Variants in GREB1 observed in about 807,000 individuals in gnomAD.
GREB1 encodes protein GREB1.
A neutral mutation model predicts 200.7 loss-of-function variants in GREB1; 106 were observed. That is an observed-to-expected ratio of 0.53 (90% CI 0.45 to 0.62). GREB1 has a LOEUF of 0.62. Among genes scored for constraint, GREB1 ranks in the 20% least tolerant of loss-of-function variants. The pLI, the probability that GREB1 is intolerant of heterozygous loss-of-function variation, is 0.00. For synonymous variants in GREB1, 1,132 were observed against 1,092.4 expected (o/e 1.04, Z -0.72); for missense variants, 2,243 against 2,556.8 (o/e 0.88, Z 2.65).
At chr2:11,533,432 G>A (rs1674148814), upstream of GREB1, among the ~76,000 whole-genome samples, 1 of 152,222 alleles carries the variant, frequency 6.6e-6, no homozygotes, top group South Asian at 2.1e-4. Context: ...GGAAACTGGA[G>A]CTCAGGGAGT....
chr2:11,628,511 A>G (rs955311417), intron 25 of GREB1, among the ~76,000 whole-genome samples: 16 of 152,188 alleles, frequency 1.1e-4, no homozygotes, highest in African/African-American at 3.4e-4. Flanking sequence ...TGAGTGTGCA[A>G]TTGTACTGTA....
intron 1 of GREB1, among the ~76,000 whole-genome samples, chr2:11,552,685 CTGTT>C (rs988308915): frequency 3.9e-5 from 6 of 152,158 alleles, no homozygotes; most frequent in Admixed American, 2.6e-4. Flanking sequence ...AGTCCCCACA[CTGTT>C]TGGTTGTGGC....
chr2:11,488,873 T>TAA lies in GREB1; in HGVS notation c.-159+6508_-159+6509dup, dbSNP rs148433563. Among the ~76,000 whole-genome samples the TAA allele has an allele frequency of 8.4e-3, 885 of 105,760 alleles. 8 individuals are homozygous for TAA. Among genetic ancestry groups the TAA allele is most frequent in the African/African-American group, 0.015 (488 of 31,894 alleles). 69.4% of individuals were successfully genotyped at this position (105,760 alleles called of 152,430 possible). ...TGGGGCATATGTAGGCAGTTTTCAT[T>TAA]AAAAAAAAAAAAAAAAAGATTGAGA... On this transcript the variant is annotated intron_variant, in intron 1 of 2. Coordinates refer to the GREB1 transcript ENST00000628795.
At chr2:11,490,013 T>A (rs1389188044) in intron 1 of GREB1, among the ~76,000 whole-genome samples, 1 of 149,686 alleles carries the variant, frequency 6.7e-6, no homozygotes, top group East Asian at 1.9e-4. Flanking sequence ...TATACTCTAT[T>A]ATATTACAAT....
At chr2:11,570,516 T>C (rs1469724042) in intron 4 of GREB1, among the ~76,000 whole-genome samples, 1 of 151,910 alleles carries the variant, frequency 6.6e-6, no homozygotes, top group Non-Finnish European at 1.5e-5. Context: ...CGAATTGTTA[T>C]CTTATACTTT....
At chr2:11,543,546 A>G (rs975931399) in intron 1 of GREB1, among the ~76,000 whole-genome samples, 1 of 152,228 alleles carries the variant, frequency 6.6e-6, no homozygotes, top group Non-Finnish European at 1.5e-5. Flanking sequence ...TGAAAGCAGC[A>G]TAACCATGAA....
intron 11 of GREB1, among the ~76,000 whole-genome samples, chr2:11,594,863 T>G (rs2148198006): frequency 6.6e-6 from 1 of 152,174 alleles, no homozygotes; most frequent in Admixed American, 6.5e-5. Flanking sequence ...CCGGCTAATT[T>G]TTTTGTATTT....
chr2:11,503,688 A>G (rs1673106827), intron 1 of GREB1, among the ~76,000 whole-genome samples: 1 of 152,146 alleles, frequency 6.6e-6, no homozygotes, highest in Middle Eastern at 3.2e-3. Flanking sequence ...GGGCTTCTTA[A>G]TTTTGGCCAC....
intron 1 of GREB1, among the ~76,000 whole-genome samples, chr2:11,510,603 A>G (rs1673321753): frequency 6.6e-6 from 1 of 152,142 alleles, no homozygotes; most frequent in Non-Finnish European, 1.5e-5. Context: ...ACCAGTTTTC[A>G]GGATAATGAG....
In GREB1 at chr2:11,603,968, T is replaced by A. The variant is rs114083731; in HGVS notation, c.2666+1426T>A. On this transcript the variant is annotated intron_variant, in intron 17 of 32. Transcript: ENST00000381486. ...ACTTGTCCAGAGTCACATGGGGGGT[T>A]TATAGTGAAACTGGACCCCAACCCT... 5.7e-3 allele frequency among the ~76,000 whole-genome samples: 862 copies of A among 152,280 alleles called. 5 individuals carry two copies. The highest frequency in any genetic ancestry group is 0.019 in the African/African-American group (809 of 41,560).
At chr2:11,539,494 T>C (rs534748352) in intron 1 of GREB1, among the ~76,000 whole-genome samples, 1 of 152,334 alleles carries the variant, frequency 6.6e-6, no homozygotes, top group South Asian at 2.1e-4. Context: ...CCTGTAGTCC[T>C]TCGGAGGCAA....
chr2:11,638,879 G>C, intron 32 of GREB1, 70 bp downstream of exon 32: 1 of 1,510,114 alleles, frequency 6.6e-7, no homozygotes, highest in Non-Finnish European at 9.1e-7. Context: ...CTGAGGAGGG[G>C]ACCTTTGGTC....
intron 30 of GREB1, among the ~76,000 whole-genome samples, chr2:11,635,855 G>A (rs1190385370): frequency 1.3e-5 from 2 of 152,218 alleles, no homozygotes; most frequent in Admixed American, 1.3e-4. Context: ...AGCAGGCCTG[G>A]GGAATTAAGA....
chr2:11,562,765 C>A, intron 3 of GREB1, 183 bp downstream of exon 3: 1 of 545,822 alleles, frequency 1.8e-6, no homozygotes. Context: ...GCCTGCCCTC[C>A]TGAAACAGGA....
At chr2:11,514,006 T>G (rs1260241230) in intron 1 of GREB1, among the ~76,000 whole-genome samples, 1 of 152,174 alleles carries the variant, frequency 6.6e-6, no homozygotes, top group African/African-American at 2.4e-5. Flanking sequence ...AAGATTAATC[T>G]CCTACTCACT....
intron 1 of GREB1, chr2:11,540,734 T>G (rs925645987): frequency 2.6e-5 from 4 of 153,358 alleles, no homozygotes; most frequent in Non-Finnish European, 4.4e-5. Context: ...GAAATCTACA[T>G]GAGAATGATG....
intron 9 of GREB1, chr2:11,588,490 A>G: frequency 1.9e-6 from 1 of 516,646 alleles, no homozygotes; most frequent in Non-Finnish European, 3.5e-6. Flanking sequence ...TCACTTGTAA[A>G]AAATAAGAGG....
In GREB1 at chr2:11,635,312, C is replaced by T. The variant is rs375514405; in HGVS notation, c.5253C>T (p.Ser1751=). ...DDVDFNLRVH[S]AGLLLCRFNR... ...TAGACTTCAACCTGCGGGTGCACAG[C>T]GCCGGCCTCCTGCTCTGCCGGTTCA... Residue 1751 remains serine (S), a synonymous_variant, in exon 30 of 33, where the codon AGC becomes AGT. Transcript: ENST00000381486. The T allele has an allele frequency of 1.8e-5, 29 of 1,614,054 alleles. No homozygotes were observed. The highest frequency in any genetic ancestry group is 4.5e-5 in the East Asian group (2 of 44,900).
rs751650931 is a variant in GREB1 at position 11,578,290 on chromosome 2, C to T, written c.638-7C>T. ...TTGGTTTTCACGTGTGCACCTTGCCCCCTTAGAGTTTAGAAGCCGGCAGAT... is the reference window on the plus strand; with the variant it reads ...TTGGTTTTCACGTGTGCACCTTGCCTCCTTAGAGTTTAGAAGCCGGCAGAT... On this transcript the variant is annotated splice_polypyrimidine_tract_variant and splice_region_variant and intron_variant, in intron 5 of 32. Coordinates refer to ENST00000381486, the MANE Select transcript of GREB1 (RefSeq NM_014668.4). The T allele has an allele frequency of 1.9e-5, 31 of 1,611,322 alleles. No individual in the cohort carries two copies. The highest frequency in any genetic ancestry group is 2.5e-5 in the Non-Finnish European group (30 of 1,177,910).
Sources: gnomAD v4.1 joint callset for allele counts (sites outside exome capture counted in the v4.1 genomes callset) on GRCh38, gnomAD v4.1.1 for gene constraint, MANE v1.5 for transcripts, NCBI Gene and HGNC (gene_info 2026-07-23, HGNC 2026-07-21) for gene names.